PLEKHA8: variants seen among roughly 807,000 people sequenced by gnomAD.
PLEKHA8 encodes pleckstrin homology domain-containing family A member 8.
A neutral mutation model predicts 68.2 loss-of-function variants in PLEKHA8; 36 were observed. That is an observed-to-expected ratio of 0.53 (90% CI 0.40 to 0.70). PLEKHA8 has a LOEUF of 0.70. Ranked by LOEUF, PLEKHA8 falls within the 30% of genes least tolerant of loss-of-function variation. The probability of loss-of-function intolerance (pLI) is 0.00; values close to 1 mark genes in which losing one functional copy is unlikely to be tolerated. For synonymous variants in PLEKHA8, 211 were observed against 216.1 expected, an observed-to-expected ratio of 0.98 and a Z score of 0.20; for missense variants, 505 against 615.4, an observed-to-expected ratio of 0.82 and a Z score of 1.90.
chr7:30,110,147 A>G (rs1390109356), intron 13 of PLEKHA8, among the ~76,000 whole-genome samples: 1 of 151,994 alleles, frequency 6.6e-6, no homozygotes, highest in East Asian at 1.9e-4. Flanking sequence ...TACCCCCAAG[A>G]GCAACCCTGT....
At chr7:30,036,148 T>A (rs961812353) in intron 1 of PLEKHA8, among the ~76,000 whole-genome samples, 2 of 151,900 alleles carry the variant, frequency 1.3e-5, no homozygotes, top group Admixed American at 6.6e-5. Context: ...CCCAGCTACT[T>A]GGGAGGCTGA....
Position 30,046,420 on chromosome 7 carries a change from T to C in PLEKHA8, c.313+55T>C. On this transcript the variant is annotated intron_variant, in intron 3 of 13. Coordinates refer to ENST00000449726, the MANE Select transcript of PLEKHA8 (RefSeq NM_001197026.2). ...ACCTTGGGAATCACCCACTGGCATCTCTGATTTCCCTTATTTGTTATCTTG... is the reference window on the plus strand; with the variant it reads ...ACCTTGGGAATCACCCACTGGCATCCCTGATTTCCCTTATTTGTTATCTTG... The C allele has an allele frequency of 2.0e-6, 3 of 1,507,608 alleles. No homozygotes were observed. In the East Asian group the frequency reaches 7.0e-5, roughly 35 times the overall value. The allele number at this position is 1,507,608 out of a possible 1,614,324, so 93.4% of individuals were successfully genotyped here.
intron 9 of PLEKHA8, among the ~76,000 whole-genome samples, chr7:30,057,371 G>A (rs1226363080): frequency 6.6e-6 from 1 of 151,608 alleles, no homozygotes; most frequent in African/African-American, 2.4e-5. Context: ...CCTTTTTATT[G>A]CTAAGTAGTA....
chr7:30,102,320 T>C (rs1333174908), intron 13 of PLEKHA8, among the ~76,000 whole-genome samples: 1 of 152,216 alleles, frequency 6.6e-6, no homozygotes, highest in East Asian at 1.9e-4. Context: ...GAATGTCTTG[T>C]CCATTGCTGG....
At chr7:30,118,582 CTTTT>C (rs745309743) in intron 13 of PLEKHA8, among the ~76,000 whole-genome samples, 3 of 144,600 alleles carry the variant, frequency 2.1e-5, no homozygotes, top group Non-Finnish European at 1.5e-5. Context: ...GCCCATCTTT[CTTTT>C]TTTTTTTTTG....
intron 13 of PLEKHA8, among the ~76,000 whole-genome samples, chr7:30,074,537 C>A (rs1484632796): frequency 1.3e-5 from 2 of 152,060 alleles, no homozygotes; most frequent in Non-Finnish European, 2.9e-5. Context: ...GCTTAAGTAT[C>A]CTAGCAGAAG....
At chr7:30,058,493 TGTG>T (rs1251155200) in intron 9 of PLEKHA8, among the ~76,000 whole-genome samples, 1 of 151,118 alleles carries the variant, frequency 6.6e-6, no homozygotes, top group African/African-American at 2.4e-5. Context: ...TTTTTTTCCT[TGTG>T]GTAACTGGTT....
At chr7:30,068,442 C>T (rs1794014270) in intron 12 of PLEKHA8, among the ~76,000 whole-genome samples, 1 of 152,096 alleles carries the variant, frequency 6.6e-6, no homozygotes, top group African/African-American at 2.4e-5. Flanking sequence ...TAGAATATTG[C>T]CAAAGTTTTT....
At position 30,082,129 on chromosome 7, in the gene PLEKHA8, T is replaced by C; in HGVS notation, c.*3342T>C. On this transcript the variant is annotated 3_prime_UTR_variant, in exon 14 of 14. Transcript: ENST00000449726. ...AGACATTGACTTCGAAGGGTAGTTCTCATTAGGATGTATAAGTAGTGGCTT... is the reference window on the plus strand; with the variant it reads ...AGACATTGACTTCGAAGGGTAGTTCCCATTAGGATGTATAAGTAGTGGCTT... The C allele has an allele frequency of 3.0e-6, 3 of 985,416 alleles. No individual in the cohort carries two copies. Among genetic ancestry groups the C allele is most frequent in the Non-Finnish European group, 3.6e-6 (3 of 829,928 alleles). The allele number at this position is 985,416 out of a possible 1,614,324, so 61.0% of individuals were successfully genotyped here.
chr7:30,056,304 C>CTATATATA (rs1379058501), intron 9 of PLEKHA8, among the ~76,000 whole-genome samples: 2 of 93,904 alleles, frequency 2.1e-5, no homozygotes, highest in African/African-American at 7.4e-5. Flanking sequence ...CTCTCTCTCT[C>CTATATATA]TCTCTCTCTA....
rs755662274 is a variant in PLEKHA8, at chr7:30,046,195, C to G, written c.158-15C>G. ...GCTCTTCTGAGTCTCTGATCTCCCT[C>G]TGTCTTGCTCCCAGTTCATTCTGTA... On this transcript the variant is annotated splice_polypyrimidine_tract_variant and intron_variant, in intron 2 of 13. Transcript: ENST00000449726. The G allele has an allele frequency of 8.3e-6, 13 of 1,570,514 alleles. No homozygotes were observed. Among genetic ancestry groups the G allele is most frequent in the Admixed American group, 1.8e-5 (1 of 55,658 alleles).
intron 13 of PLEKHA8, among the ~76,000 whole-genome samples, chr7:30,108,083 A>AAAAAAAAAAAAC (rs780069387): frequency 1.3e-3 from 184 of 144,498 alleles, no homozygotes; most frequent in Non-Finnish European, 2.3e-3. Flanking sequence ...AAAAAAAAAA[A>AAAAAAAAAAAAC]AAAAAAAAAC....
At chr7:30,116,332 A>G (rs77173173) in intron 13 of PLEKHA8, among the ~76,000 whole-genome samples, 8,385 of 151,884 alleles carry the variant, frequency 0.055, 359 homozygotes, top group Middle Eastern at 0.078. Flanking sequence ...ATATGTGTGT[A>G]TGTATATATG....
intron 5 of PLEKHA8, 119 bp from the exon 6 acceptor site, chr7:30,050,315 G>T: frequency 7.6e-7 from 1 of 1,310,318 alleles, no homozygotes. Flanking sequence ...TTTGTTTAGT[G>T]GGGCTAGTGT....
intron 13 of PLEKHA8, among the ~76,000 whole-genome samples, chr7:30,109,788 T>C (rs897296602): frequency 1.3e-5 from 2 of 151,434 alleles, no homozygotes; most frequent in African/African-American, 2.4e-5. Flanking sequence ...CCTTTCATCT[T>C]AGCCTTCCAA....
chr7:30,055,773 C>T (rs140989993), intron 9 of PLEKHA8, among the ~76,000 whole-genome samples: 180 of 152,116 alleles, frequency 1.2e-3, no homozygotes, highest in African/African-American at 4.1e-3. Context: ...TCAAGCAATC[C>T]TTCCACCTCA....
intron 9 of PLEKHA8, among the ~76,000 whole-genome samples, chr7:30,056,234 C>T (rs374606223): frequency 6.1e-5 from 9 of 147,896 alleles, no homozygotes; most frequent in African/African-American, 2.0e-4. Context: ...TGAGCCACCA[C>T]GCCCGGCCTG....
At chr7:30,089,858 C>T (rs1795342450) in intron 12 of PLEKHA8, among the ~76,000 whole-genome samples, 1 of 151,992 alleles carries the variant, frequency 6.6e-6, no homozygotes, top group Non-Finnish European at 1.5e-5. Flanking sequence ...GAAAACTTCC[C>T]TAAAATAATA....
At chr7:30,076,362 T>G (rs1409955951) in intron 13 of PLEKHA8, among the ~76,000 whole-genome samples, 1 of 152,170 alleles carries the variant, frequency 6.6e-6, no homozygotes, top group Admixed American at 6.6e-5. Context: ...AGGTTAGAAA[T>G]AAAACAGCAT....
Sources: allele counts gnomAD v4.1 joint callset (sites outside exome capture counted in the v4.1 genomes callset), GRCh38; gene constraint gnomAD v4.1.1; transcripts MANE v1.5; gene names NCBI Gene and HGNC (gene_info 2026-07-23, HGNC 2026-07-21).